Variants in ZNF473 observed in about 807,000 individuals in gnomAD.
ZNF473 encodes the protein zinc finger protein 473.
In ZNF473, 4 loss-of-function variants were observed where a neutral mutation model predicts 11.1. That is an observed-to-expected ratio of 0.36 (90% CI 0.18 to 0.82). The LOEUF (loss-of-function observed/expected upper bound fraction) is 0.82. ZNF473 is among the 40% of genes least tolerant of loss of function. The pLI is 0.49. For synonymous variants in ZNF473, 404 were observed against 390.4 expected (o/e 1.03, Z -0.41); for missense variants, 854 against 1,084.0 (o/e 0.79, Z 2.98).
At position 50,039,396 on chromosome 19, in the gene ZNF473, G is replaced by T; in HGVS notation, c.136+109G>T. 2 of 1,424,128 alleles carry T rather than the reference G, an allele frequency of 1.4e-6. No individual in the cohort carries two copies. The highest frequency in any genetic ancestry group is 2.4e-5 in the East Asian group (1 of 42,166). 88.2% of individuals were successfully genotyped at this position (1,424,128 alleles called of 1,614,324 possible). On this transcript the variant is annotated intron_variant, in intron 3 of 4. Transcript: ENST00000270617. This position sits in a 1 kb window ranked among gnomAD's most constrained non-coding sequence, Gnocchi z 4.8. ...CTGGCTCCTGGGCTCCTCAGAATCA[G>T]CATGACCTAGCCCAGCAGTTCTCAG...
chr19:50,046,519 T>C lies in ZNF473; in HGVS notation c.2076T>C (p.His692=). Residue 692 remains histidine, a synonymous_variant, in exon 5 of 5, where the codon CAT becomes CAC. Transcript: ENST00000270617. The surrounding 1 kb of genome is among the most constrained non-coding windows in gnomAD (Gnocchi z 5.9). ...VFTQRNYLVQ[H]ERTHARKKPL... is the part of the protein sequence containing the mutation. ...CCCAGAGAAACTACCTTGTTCAGCA[T>C]GAGCGAACTCATGCCAGAAAGAAGC... The C allele has an allele frequency of 1.2e-6, 2 of 1,614,248 alleles. No homozygotes were observed. Among genetic ancestry groups the C allele is most frequent in the Non-Finnish European group, 1.7e-6 (2 of 1,180,036 alleles).
chr19:50,037,269 A>T (rs1978499828), intron 2 of ZNF473, among the ~76,000 whole-genome samples: 1 of 152,066 alleles, frequency 6.6e-6, no homozygotes, highest in South Asian at 2.1e-4. Context: ...TCACTAGGGG[A>T]GCAGGAATTG....
rs963963452 is a variant in ZNF473, at chr19:50,039,739, T to A, written c.136+452T>A. Among the ~76,000 whole-genome samples the A allele has an allele frequency of 1.3e-5, 2 of 152,214 alleles. No homozygotes were observed. The highest frequency in any genetic ancestry group is 2.4e-5 in the African/African-American group (1 of 41,462). On this transcript the variant is annotated intron_variant, in intron 3 of 4. Transcript: ENST00000270617. The surrounding 1 kb of genome is among the most constrained non-coding windows in gnomAD (Gnocchi z 4.8). ...CCTCTGCCTAAGCGGCTCTCAGGGCTTACATTTTTAAAGTTTAACCTGGGA... is the reference window on the plus strand; with the variant it reads ...CCTCTGCCTAAGCGGCTCTCAGGGCATACATTTTTAAAGTTTAACCTGGGA...
Position 50,031,693 on chromosome 19 carries a change from T to G in ZNF473, c.9+602T>G, listed in dbSNP as rs571368055. On this transcript the variant is annotated intron_variant, in intron 2 of 4. Coordinates refer to ENST00000270617, the MANE Select transcript of ZNF473 (RefSeq NM_015428.4). ...CCCATATCTGTCAGCCCCACCAGAC[T>G]AGATGCTCCTTGGGGACAGGAACTG... Among the ~76,000 whole-genome samples the G allele has an allele frequency of 1.1e-3, 160 of 152,226 alleles. 1 individual carries two copies. Among genetic ancestry groups the G allele is most frequent in the African/African-American group, 3.8e-3 (156 of 41,540 alleles).
intron 2 of ZNF473, among the ~76,000 whole-genome samples, chr19:50,038,009 A>ATTTT (rs11462425): frequency 2.0e-4 from 27 of 134,916 alleles, no homozygotes; most frequent in Admixed American, 2.3e-4. Context: ...ATAGTAGAAA[A>ATTTT]TTTTTTTTTT....
Position 50,035,617 on chromosome 19 carries a change from C to T in ZNF473, c.10-3544C>T, listed in dbSNP as rs147281981. On this transcript the variant is annotated intron_variant, in intron 2 of 4. Coordinates refer to ENST00000270617, the MANE Select transcript of ZNF473 (RefSeq NM_015428.4). ...CCTGTACCTAGCACAGGGGCTGGCTCGTAGTAGGTGCTTGGTCATCATTGG... is the reference window on the plus strand; with the variant it reads ...CCTGTACCTAGCACAGGGGCTGGCTTGTAGTAGGTGCTTGGTCATCATTGG... Among the ~76,000 whole-genome samples, 871 of 152,188 alleles carry T rather than the reference C, an allele frequency of 5.7e-3. 6 individuals carry two copies. Among genetic ancestry groups the T allele is most frequent in the African/African-American group, 0.019 (786 of 41,520 alleles).
chr19:50,035,813 T>C (rs1299644349), intron 2 of ZNF473, among the ~76,000 whole-genome samples: 1 of 152,032 alleles, frequency 6.6e-6, no homozygotes, highest in African/African-American at 2.4e-5. Context: ...AGTTAATAGA[T>C]AGTAGAACTA....
chr19:50,035,082 A>T (rs1229656978), intron 2 of ZNF473, among the ~76,000 whole-genome samples: 2 of 152,198 alleles, frequency 1.3e-5, no homozygotes, highest in East Asian at 3.9e-4. Flanking sequence ...GCTTGAGCTC[A>T]GGAGTTCAAG....
At position 50,045,902 on chromosome 19, in the gene ZNF473, T is replaced by C; in HGVS notation, c.1459T>C (p.Tyr487His). Residue 487 changes from tyrosine (Y) to histidine (H), a missense_variant, in exon 5 of 5, where the codon TAT (tyrosine) becomes CAT (histidine). By Grantham distance (83) the Tyr-to-His change is moderately conservative. Transcript: ENST00000270617. Reference protein sequence around the residue: ...HQAIHTAEKPYSCAECKETFS... With the variant: ...HQAIHTAEKPHSCAECKETFS... ...GGCCATTCACACCGCAGAAAAGCCCTATAGCTGTGCTGAATGCAAGGAGAC... is the reference window on the plus strand; with the variant it reads ...GGCCATTCACACCGCAGAAAAGCCCCATAGCTGTGCTGAATGCAAGGAGAC... 6.2e-7 allele frequency: 1 copy of C among 1,614,148 alleles called. No homozygotes were observed. The highest frequency in any genetic ancestry group is 8.5e-7 in the Non-Finnish European group (1 of 1,180,032).
At chr19:50,044,485 T>C (rs1405387711) in intron 4 of ZNF473, 185 bp from the exon 5 acceptor site, 2 of 572,482 alleles carry the variant, frequency 3.5e-6, no homozygotes, top group East Asian at 5.6e-5. Context: ...CCCTATGGTT[T>C]CCCAACTCCC....
intron 1 of ZNF473, among the ~76,000 whole-genome samples, chr19:50,030,369 G>A (rs1348547716): frequency 6.6e-6 from 1 of 152,176 alleles, no homozygotes; most frequent in Admixed American, 6.5e-5. Flanking sequence ...TTAGCTGGAT[G>A]TGGTGGCACA....
In ZNF473 at chr19:50,041,740, A is replaced by G. The variant is rs201273236; in HGVS notation, c.147A>G (p.Arg49=). 1.6e-4 allele frequency: 254 copies of G among 1,611,488 alleles called. No homozygotes were observed. The highest frequency in any genetic ancestry group is 2.0e-4 in the Non-Finnish European group (240 of 1,178,996). Residue 49 remains arginine, a synonymous_variant, in exon 4 of 5, where the codon AGA becomes AGG. Transcript: ENST00000270617. ...CQDLFLLDPP[R]PNLTSHPDGS... ...TTTCTCTCCCTGCAGACCCCCCAAG[A>G]CCCAACCTGACCTCCCACCCAGATG...
chr19:50,029,511 A>C (rs1255808650), intron 1 of ZNF473, among the ~76,000 whole-genome samples: 2 of 152,236 alleles, frequency 1.3e-5, no homozygotes, highest in Non-Finnish European at 2.9e-5. Context: ...ATAAAAGTTG[A>C]ATTTCAAAGC....
Position 50,045,646 on chromosome 19 carries a change from G to C in ZNF473, c.1203G>C (p.Glu401Asp). 6.2e-7 allele frequency: 1 copy of C among 1,614,114 alleles called. No individual in the cohort carries two copies. Among genetic ancestry groups the C allele is most frequent in the Non-Finnish European group, 8.5e-7 (1 of 1,180,018 alleles). ...IEHQALHAGE[E>D]PYKCNERGKS... ...ACCAGGCTCTTCATGCTGGAGAGGA[G>C]CCTTATAAGTGTAACGAACGTGGGA... The change falls in exon 5 of 5, where the codon GAG becomes GAC. Residue 401 changes from glutamate (E) to aspartate (D), a missense_variant. Physicochemically the swap from Glu to Asp is conservative, Grantham distance 45. Coordinates refer to ENST00000270617, the MANE Select transcript of ZNF473 (RefSeq NM_015428.4).
chr19:50,040,532 A>C (rs1314084947), intron 3 of ZNF473: 1 of 152,316 alleles, frequency 6.6e-6, no homozygotes, highest in Non-Finnish European at 1.5e-5. Flanking sequence ...CCTTGCCAGC[A>C]GGCTTTTCCC....
At chr19:50,043,876 G>A (rs1405420760) in intron 4 of ZNF473, among the ~76,000 whole-genome samples, 1 of 152,056 alleles carries the variant, frequency 6.6e-6, no homozygotes, top group African/African-American at 2.4e-5. Context: ...AGACTTAGAG[G>A]AGTTAGTCCA....
rs1473750684 is a variant in ZNF473, at chr19:50,047,846, T to C, written c.*787T>C. The C allele has an allele frequency of 6.6e-6, 1 of 152,228 alleles. No individual in the cohort carries two copies. Among genetic ancestry groups the C allele is most frequent in the Non-Finnish European group, 1.5e-5 (1 of 68,060 alleles). The allele number at this position is 152,228 out of a possible 1,614,324, so 9.4% of individuals were successfully genotyped here. A position where few individuals can be genotyped will look rare whatever the true frequency, so the allele number is the denominator to read the frequency against. On this transcript the variant is annotated 3_prime_UTR_variant, in exon 5 of 5. Coordinates refer to ENST00000270617, the MANE Select transcript of ZNF473 (RefSeq NM_015428.4). The stretch of plus-strand genomic sequence containing the variant: ...GGTTATGCAATAAGACACCCAATTT[T>C]TCATGGGAGTTGACACCAAAACACA...
chr19:50,046,981 T>TTGCCAGAAA lies in ZNF473; in HGVS notation c.2539_2547dup (p.Cys847_Lys849dup). The TTGCCAGAAA allele has an allele frequency of 6.2e-7, 1 of 1,614,152 alleles. No homozygotes were observed. The highest frequency in any genetic ancestry group is 8.5e-7 in the Non-Finnish European group (1 of 1,180,040). ...AGGAGACACTTTATCAGTGTCAACG[T>TTGCCAGAAA]TGCCAGAAAGCCTTTCGGTGCCACT... On this transcript the variant is annotated inframe_insertion, in exon 5 of 5. Coordinates refer to ENST00000270617, the MANE Select transcript of ZNF473 (RefSeq NM_015428.4). The surrounding 1 kb of genome is among the most constrained non-coding windows in gnomAD (Gnocchi z 5.9).
At chr19:50,034,903 G>A (rs982796388) in intron 2 of ZNF473, among the ~76,000 whole-genome samples, 1 of 152,166 alleles carries the variant, frequency 6.6e-6, no homozygotes, top group Non-Finnish European at 1.5e-5. Context: ...GGTCCTGGCA[G>A]ATAGTGATGC....
Sources: gnomAD v4.1 joint callset for allele counts (sites outside exome capture counted in the v4.1 genomes callset) on GRCh38, gnomAD v4.1.1 for gene constraint, Gnocchi (gnomAD v3.1) non-coding constraint, MANE v1.5 for transcripts, NCBI Gene and HGNC (gene_info 2026-07-23, HGNC 2026-07-21) for gene names.